Variants in MGLL observed in about 807,000 individuals in gnomAD.
MGLL encodes the protein lysophospholipase homolog.
A neutral mutation model predicts 29.1 loss-of-function variants in MGLL; 7 were observed. The observed-to-expected ratio is 0.24, with a 90% CI of 0.14 to 0.45. The LOEUF (loss-of-function observed/expected upper bound fraction) is 0.45. MGLL is among the 20% of genes least tolerant of loss of function. The probability of loss-of-function intolerance (pLI) is 0.99; values close to 1 mark genes in which losing one functional copy is unlikely to be tolerated. For missense variants in MGLL, 356 were observed against 413.6 expected (o/e 0.86, Z 1.21); for synonymous variants, 148 against 168.3 (o/e 0.88, Z 0.93).
At chr3:127,771,801 T>C (rs1042384212) in intron 3 of MGLL, among the ~76,000 whole-genome samples, 11 of 152,172 alleles carry the variant, frequency 7.2e-5, no homozygotes, top group Admixed American at 7.2e-4. Context: ...AGAGAAGCCC[T>C]ACGTTAATTT....
intron 3 of MGLL, among the ~76,000 whole-genome samples, chr3:127,746,550 C>T (rs1028252082): frequency 6.6e-6 from 1 of 152,158 alleles, no homozygotes; most frequent in African/African-American, 2.4e-5. Flanking sequence ...CATTTGGCTC[C>T]AGGTCCCACC....
chr3:127,800,381 G>A (rs978742703), intron 2 of MGLL, among the ~76,000 whole-genome samples: 1 of 152,166 alleles, frequency 6.6e-6, no homozygotes, highest in Non-Finnish European at 1.5e-5. Context: ...CCCTTACATG[G>A]GGAATAGCCA....
rs2076034286 is a variant in MGLL, at chr3:127,726,171, A to G, written c.263-3605T>C. ...AAGAAAGAAAGAAAGAAAGAAAGAA[A>G]GAAAGAAAGAAAGAAAAGAAAAGAA... is the stretch of plus-strand genomic sequence containing the variant. On this transcript the variant is annotated intron_variant, in intron 3 of 7. Transcript: ENST00000265052. Among the ~76,000 whole-genome samples, 3 of 32,242 alleles carry G rather than the reference A, an allele frequency of 9.3e-5. No individual in the cohort carries two copies. In the South Asian group the frequency reaches 2.1e-3, roughly 23 times the overall value. 21.2% of individuals were successfully genotyped at this position (32,242 alleles called of 152,430 possible). A position where few individuals can be genotyped will look rare whatever the true frequency, so the allele number is the denominator to read the frequency against.
chr3:127,697,200 T>C (rs1450285332), intron 6 of MGLL, among the ~76,000 whole-genome samples: 1 of 152,186 alleles, frequency 6.6e-6, no homozygotes, highest in Non-Finnish European at 1.5e-5. Flanking sequence ...CAGGGGGTGC[T>C]TCCCCAGGGT....
chr3:127,715,788 C>T (rs924174330), intron 5 of MGLL: 5 of 456,650 alleles, frequency 1.1e-5, no homozygotes, highest in African/African-American at 4.0e-5. Context: ...GCTGCTCCTG[C>T]TCTCCCACAA....
chr3:127,750,617 C>T (rs1025012500), intron 3 of MGLL, among the ~76,000 whole-genome samples: 2 of 122,354 alleles, frequency 1.6e-5, no homozygotes, highest in Non-Finnish European at 3.6e-5. Context: ...TTTCCACTCC[C>T]GGGCAAACGC....
At chr3:127,759,085 C>A (rs754089927) in intron 3 of MGLL, among the ~76,000 whole-genome samples, 1 of 152,020 alleles carries the variant, frequency 6.6e-6, no homozygotes. Context: ...TGCCACCAAG[C>A]CTGGCTAATT....
intron 3 of MGLL, among the ~76,000 whole-genome samples, chr3:127,726,177 A>AAAGAAAGAAAGAAAGG (rs2076035838): frequency 1.2e-4 from 5 of 42,554 alleles, no homozygotes; most frequent in Admixed American, 4.5e-4. Context: ...AGAAAGAAAG[A>AAAGAAAGAAAGAAAGG]AAGAAAGAAA....
intron 3 of MGLL, chr3:127,735,630 G>C (rs1410959990): frequency 3.3e-5 from 47 of 1,431,388 alleles, no homozygotes; most frequent in Non-Finnish European, 4.2e-5. Context: ...CAAATTCCAA[G>C]ATTGTAGTTA....
chr3:127,728,174 C>T (rs1047681278), intron 3 of MGLL, among the ~76,000 whole-genome samples: 1 of 152,136 alleles, frequency 6.6e-6, no homozygotes, highest in African/African-American at 2.4e-5. Flanking sequence ...TTAAAAAATT[C>T]ATCCAGTGAA....
Position 127,726,062 on chromosome 3 carries a change from CAA to C in MGLL, c.263-3498_263-3497del, listed in dbSNP as rs142043194. The stretch of plus-strand genomic sequence containing the variant: ...CCTGGACAAAAGTGAGACCCTATCT[CAA>C]AAAAAAAAAGAAAGGGAAAGAAAGA... On this transcript the variant is annotated intron_variant, in intron 3 of 7. Coordinates refer to ENST00000265052, the MANE Select transcript of MGLL (RefSeq NM_007283.7). Among the ~76,000 whole-genome samples, 233 of 117,004 alleles carry C rather than the reference CAA, an allele frequency of 2.0e-3. 4 individuals carry two copies. The highest frequency in any genetic ancestry group is 4.4e-4 in the Non-Finnish European group (26 of 58,980). The allele number at this position is 117,004 out of a possible 152,430, so 76.8% of individuals were successfully genotyped here.
intron 3 of MGLL, among the ~76,000 whole-genome samples, chr3:127,731,711 A>C (rs1317671079): frequency 6.6e-6 from 1 of 152,090 alleles, no homozygotes; most frequent in Non-Finnish European, 1.5e-5. Context: ...GCCACAATAA[A>C]AGCCCCGGCC....
At chr3:127,747,608 G>A (rs1165615635) in intron 3 of MGLL, among the ~76,000 whole-genome samples, 1 of 152,228 alleles carries the variant, frequency 6.6e-6, no homozygotes, top group African/African-American at 2.4e-5. Flanking sequence ...GCAGCTAAGA[G>A]GCCACGGAGA....
At chr3:127,772,272 G>C (rs1403126592) in intron 3 of MGLL, among the ~76,000 whole-genome samples, 1 of 152,128 alleles carries the variant, frequency 6.6e-6, no homozygotes, top group Admixed American at 6.6e-5. Context: ...CCAGAGCCCC[G>C]CTCCCCCAAC....
chr3:127,770,392 G>C (rs2076929181), intron 3 of MGLL, among the ~76,000 whole-genome samples: 1 of 152,056 alleles, frequency 6.6e-6, no homozygotes, highest in African/African-American at 2.4e-5. Flanking sequence ...TACAGAAAAA[G>C]AGCTGAATGG....
intron 3 of MGLL, among the ~76,000 whole-genome samples, chr3:127,776,896 G>A (rs1267691111): frequency 6.6e-6 from 1 of 152,214 alleles, no homozygotes; most frequent in African/African-American, 2.4e-5. Context: ...GATGAGAAGG[G>A]TCTTGGGGGA....
At chr3:127,798,280 T>C (rs1228902437) in intron 2 of MGLL, among the ~76,000 whole-genome samples, 1 of 152,204 alleles carries the variant, frequency 6.6e-6, no homozygotes, top group Admixed American at 6.5e-5. Context: ...TCAGGTTCTC[T>C]ATGCGTCAGA....
intron 2 of MGLL, among the ~76,000 whole-genome samples, chr3:127,796,212 T>C (rs988041490): frequency 6.6e-6 from 1 of 152,210 alleles, no homozygotes; most frequent in South Asian, 2.1e-4. Context: ...ATATTACTAA[T>C]CAATCCCAGT....
At chr3:127,760,013 T>G (rs76891587) in intron 3 of MGLL, among the ~76,000 whole-genome samples, 3,357 of 152,334 alleles carry the variant, frequency 0.022, 137 homozygotes, top group East Asian at 0.18. Flanking sequence ...AGGCCCTGCT[T>G]AGACGGCTTG....
Sources: allele counts gnomAD v4.1 joint callset (sites outside exome capture counted in the v4.1 genomes callset), GRCh38; gene constraint gnomAD v4.1.1; transcripts MANE v1.5; gene names NCBI Gene and HGNC (gene_info 2026-07-23, HGNC 2026-07-21).